The following ABAT variants were observed in gnomAD, a reference collection of about 807,000 sequenced individuals.
ABAT encodes 4-aminobutyrate aminotransferase, mitochondrial.
ABAT carries 45 observed loss-of-function variants against 64.6 expected under a neutral mutation model. That is an observed-to-expected ratio of 0.70 (90% CI 0.55 to 0.89). The LOEUF is 0.89. Among genes scored for constraint, ABAT ranks in the 40% least tolerant of loss-of-function variants. The probability of loss-of-function intolerance (pLI) is 0.00; values close to 1 mark genes in which losing one functional copy is unlikely to be tolerated. For missense variants in ABAT, 633 were observed against 658.4 expected, an observed-to-expected ratio of 0.96 and a Z score of 0.42; for synonymous variants, 297 against 250.5, an observed-to-expected ratio of 1.19 and a Z score of -1.75.
At chr16:8,768,328 T>A in intron 10 of ABAT, 72 bp downstream of exon 10, 1 of 1,487,918 alleles carries the variant, frequency 6.7e-7, no homozygotes, top group Non-Finnish European at 9.4e-7. Flanking sequence ...TAGCGGCGGC[T>A]GACATTAGCA....
At position 8,781,370 on chromosome 16, in the gene ABAT, G is replaced by A. The variant is rs1237985824; in HGVS notation, c.1443G>A (p.Arg481=). ...GTTTCCGTCCCACGCTGGTCTTCAG[G>A]GATCACCACGCTCACCTGTTCCTCA... ...SIRFRPTLVF[R]DHHAHLFLNI... is the part of the protein sequence containing the mutation. Residue 481 remains arginine (R), a synonymous_variant, in exon 16 of 16, where the codon AGG becomes AGA. Transcript: ENST00000268251. The surrounding 1 kb of genome is among the most constrained non-coding windows in gnomAD (Gnocchi z 4.5). 1.9e-6 allele frequency: 3 copies of A among 1,613,838 alleles called. No homozygotes were observed. In the African/African-American group the frequency reaches 4.0e-5, roughly 22 times the overall value.
chr16:8,675,174 C>T (rs942380353), intron 1 of ABAT, among the ~76,000 whole-genome samples: 2 of 151,908 alleles, frequency 1.3e-5, no homozygotes, highest in African/African-American at 2.4e-5. Flanking sequence ...GCTCTCCCCC[C>T]ATCATAAGAC....
In ABAT at chr16:8,768,185, G is replaced by C. The variant is rs2060000466; in HGVS notation, c.604-8G>C. The C allele has an allele frequency of 1.6e-5, 26 of 1,613,824 alleles. No individual in the cohort carries two copies. The highest frequency in any genetic ancestry group is 2.2e-5 in the Non-Finnish European group (26 of 1,179,826). On this transcript the variant is annotated splice_region_variant and splice_polypyrimidine_tract_variant and intron_variant, in intron 9 of 15. Transcript: ENST00000268251. ...CTATGACTAATGACTGATATTTCTTGGTTTTAGGCCCCTGGCTGCCCCGAC... is the reference window on the plus strand; with the variant it reads ...CTATGACTAATGACTGATATTTCTTCGTTTTAGGCCCCTGGCTGCCCCGAC...
In ABAT at chr16:8,768,149, C is replaced by G; in HGVS notation, c.604-44C>G. ...TGCAGGGGCAACAATACAGTTCCCC[C>G]ATCCTTACAACTATGACTAATGACT... is the stretch of plus-strand genomic sequence containing the variant. On this transcript the variant is annotated intron_variant, in intron 9 of 15. Transcript: ENST00000268251. 2.5e-6 allele frequency: 4 copies of G among 1,583,476 alleles called. No individual in the cohort carries two copies. The South Asian group carries it at 4.4e-5, about 18-fold the overall frequency.
chr16:8,735,032 A>C, intron 1 of ABAT, among the ~76,000 whole-genome samples: 1 of 104,556 alleles, frequency 9.6e-6, no homozygotes, highest in African/African-American at 3.7e-5. Context: ...ACATAGTGAA[A>C]CCCCATCTCT....
intron 14 of ABAT, 101 bp from the exon 15 acceptor site, chr16:8,779,378 G>C (rs139091284): frequency 2.0e-6 from 2 of 989,502 alleles, no homozygotes; most frequent in Non-Finnish European, 1.6e-6. Context: ...TGCAGAGGCC[G>C]AGGCTGGACC....
At chr16:8,721,248 C>T (rs532728186) in intron 1 of ABAT, among the ~76,000 whole-genome samples, 1 of 152,318 alleles carries the variant, frequency 6.6e-6, no homozygotes, top group African/African-American at 2.4e-5. Context: ...CAGCACCTCA[C>T]ACTCTGCCTC....
intron 1 of ABAT, among the ~76,000 whole-genome samples, chr16:8,730,123 A>G (rs1481644369): frequency 6.6e-6 from 1 of 152,094 alleles, no homozygotes; most frequent in Non-Finnish European, 1.5e-5. Flanking sequence ...GGCTCTGGGG[A>G]TGAAACGAGA....
rs1731017 is a variant in ABAT at position 8,746,097 on chromosome 16, A to G, written c.167A>G (p.Gln56Arg). 972,537 of 1,611,140 alleles carry G rather than the reference A, an allele frequency of 0.6. 297,905 individuals carry two copies. The highest frequency in any genetic ancestry group is 0.66 in the Admixed American group (39,379 of 59,962). ...MKTEVPGPRS[Q>R]ELMKQLNIIQ... is the part of the protein sequence containing the mutation. ...ACGGAAGTCCCAGGGCCTAGATCTC[A>G]GGTGAGTTGAGCACACCTGAGTGGG... is the stretch of plus-strand genomic sequence containing the variant. The change falls in exon 3 of 16, where the codon CAG (glutamine) becomes CGG (arginine). Residue 56 changes from glutamine (Q) to arginine (R), a missense_variant and splice_region_variant. Coordinates refer to ENST00000268251, the MANE Select transcript of ABAT (RefSeq NM_020686.6).
chr16:8,736,461 C>G (rs553241348), intron 2 of ABAT: 1 of 154,340 alleles, frequency 6.5e-6, no homozygotes, highest in African/African-American at 2.4e-5. Context: ...CCAGATGGCC[C>G]CAGGCCATCT....
chr16:8,764,870 C>T lies in ABAT; in HGVS notation c.540+40C>T, dbSNP rs58334184. 14,056 of 1,505,766 alleles carry T rather than the reference C, an allele frequency of 9.3e-3. 1,037 individuals carry two copies. The African/African-American group carries it at 0.17, about 18-fold the overall frequency. 93.3% of individuals were successfully genotyped at this position (1,505,766 alleles called of 1,614,324 possible). A position where few individuals can be genotyped will look rare whatever the true frequency, so the allele number is the denominator to read the frequency against. On this transcript the variant is annotated intron_variant, in intron 8 of 15. Transcript: ENST00000268251. This position sits in a 1 kb window ranked among gnomAD's most constrained non-coding sequence, Gnocchi z 4.2. ...ACACACACACACACACACACAGGCT[C>T]CCCAGCACCCAGCCACACGCTCACC...
intron 1 of ABAT, among the ~76,000 whole-genome samples, chr16:8,693,236 G>C (rs556498332): frequency 6.6e-6 from 1 of 152,244 alleles, no homozygotes; most frequent in South Asian, 2.1e-4. Context: ...AACATAAACA[G>C]TTAATTACAA....
At chr16:8,730,043 C>T (rs527802565) in intron 1 of ABAT, among the ~76,000 whole-genome samples, 48 of 152,104 alleles carry the variant, frequency 3.2e-4, no homozygotes, top group African/African-American at 1.2e-3. Context: ...CCACCCCACC[C>T]GTGATAGTAC....
chr16:8,735,652 G>A (rs979943233), intron 1 of ABAT, 47 bp from the exon 2 acceptor site: 4 of 1,455,744 alleles, frequency 2.7e-6, no homozygotes, highest in South Asian at 1.2e-5. Flanking sequence ...TGGCTGAGAG[G>A]GGAGTGGTCT....
At chr16:8,706,015 G>C (rs1596407620) in intron 1 of ABAT, among the ~76,000 whole-genome samples, 2 of 152,098 alleles carry the variant, frequency 1.3e-5, no homozygotes, top group East Asian at 3.9e-4. Context: ...CTATAAAATG[G>C]GAATAATAAG....
At chr16:8,749,382 C>G (rs998660948) in intron 4 of ABAT, among the ~76,000 whole-genome samples, 15 of 123,564 alleles carry the variant, frequency 1.2e-4, no homozygotes, top group African/African-American at 4.1e-4. Context: ...CCACCGCACC[C>G]GGCCTTTTTT....
In ABAT at chr16:8,783,840, A is replaced by G. The variant is rs950259999; in HGVS notation, c.*2410A>G. 1.3e-5 allele frequency: 2 copies of G among 152,212 alleles called. No homozygotes were observed. The highest frequency in any genetic ancestry group is 2.9e-5 in the Non-Finnish European group (2 of 68,034). The allele number at this position is 152,212 out of a possible 1,614,324, so 9.4% of individuals were successfully genotyped here. ...CCCATGGGGCACTGACAGAGAAATG[A>G]AATAGTTTTATCTGGAAAATTCCAG... On this transcript the variant is annotated 3_prime_UTR_variant, in exon 16 of 16. Coordinates refer to ENST00000268251, the MANE Select transcript of ABAT (RefSeq NM_020686.6).
At chr16:8,732,887 C>G (rs1462499293) in intron 1 of ABAT, among the ~76,000 whole-genome samples, 1 of 149,930 alleles carries the variant, frequency 6.7e-6, no homozygotes. Context: ...CGGGCAGAGG[C>G]GCCCCTCACC....
At chr16:8,731,578 T>A (rs564216962) in intron 1 of ABAT, 3 of 152,176 alleles carry the variant, frequency 2.0e-5, no homozygotes, top group Admixed American at 6.5e-5. Flanking sequence ...GTTGTCTAGT[T>A]GTCCTTGATA....
Sources: allele counts gnomAD v4.1 joint callset (sites outside exome capture counted in the v4.1 genomes callset), GRCh38; gene constraint gnomAD v4.1.1; non-coding constraint Gnocchi (gnomAD v3.1); transcripts MANE v1.5; gene names NCBI Gene and HGNC (gene_info 2026-07-23, HGNC 2026-07-21).